Variants in RNASE4 observed in about 807,000 individuals in gnomAD.
RNASE4 encodes the protein ribonuclease A family member 4.
For missense variants in RNASE4, 194 were observed against 192.8 expected (o/e 1.01, Z -0.04); for synonymous variants, 93 against 71.4 (o/e 1.30, Z -1.52).
chr14:20,700,078 G>T lies in RNASE4; in HGVS notation c.*263G>T. On this transcript the variant is annotated 3_prime_UTR_variant, in exon 2 of 2. Coordinates refer to ENST00000555835, the MANE Select transcript of RNASE4 (RefSeq NM_002937.5). ...TAGCTCTCTCAGATCCTATCCTGTGGAATTTAGTTATTATGTGTATTTATG... is the reference window on the plus strand; with the variant it reads ...TAGCTCTCTCAGATCCTATCCTGTGTAATTTAGTTATTATGTGTATTTATG... 2 of 450,296 alleles carry T rather than the reference G, an allele frequency of 4.4e-6. No individual in the cohort carries two copies. The highest frequency in any genetic ancestry group is 8.2e-6 in the Non-Finnish European group (2 of 243,366). The allele number at this position is 450,296 out of a possible 1,614,324, so 27.9% of individuals were successfully genotyped here.
chr14:20,693,373 A>G (rs1171891905), intron 1 of RNASE4: 1 of 780,610 alleles, frequency 1.3e-6, no homozygotes, highest in Non-Finnish European at 2.1e-6. Flanking sequence ...GACGTTCCGC[A>G]GGAAGGGATT....
intron 1 of RNASE4, 92 bp from the exon 2 acceptor site, chr14:20,699,263 A>G: frequency 9.6e-7 from 1 of 1,041,896 alleles, no homozygotes. Flanking sequence ...AGAGGAGACT[A>G]TGGAGTCAGG....
At chr14:20,689,085 A>G (rs1283425991) in intron 1 of RNASE4, among the ~76,000 whole-genome samples, 1 of 152,172 alleles carries the variant, frequency 6.6e-6, no homozygotes. Flanking sequence ...AGGAAGTGGA[A>G]GTTTAGGAGG....
intron 1 of RNASE4, among the ~76,000 whole-genome samples, 161 bp downstream of exon 1, chr14:20,684,919 C>T (rs557019430): frequency 6.6e-6 from 1 of 152,070 alleles, no homozygotes. Context: ...GTGAAAGTCC[C>T]GTATTTGTAT....
At chr14:20,687,360 A>C (rs1284327639) in intron 1 of RNASE4, among the ~76,000 whole-genome samples, 2 of 152,226 alleles carry the variant, frequency 1.3e-5, no homozygotes. Context: ...AAGGGACCTA[A>C]CTATATTCAG....
intron 1 of RNASE4, chr14:20,693,718 A>T: frequency 1.2e-6 from 2 of 1,614,236 alleles, no homozygotes; most frequent in Non-Finnish European, 1.7e-6. Context: ...ATACTGTGAA[A>T]GCATCATGAG....
chr14:20,693,350 A>G (rs749626807), intron 1 of RNASE4: 28 of 671,566 alleles, frequency 4.2e-5, no homozygotes, highest in Non-Finnish European at 6.8e-5. Flanking sequence ...TGTGCTCAGG[A>G]AACTATTAAA....
intron 1 of RNASE4, among the ~76,000 whole-genome samples, chr14:20,691,673 T>A (rs1886757971): frequency 6.6e-6 from 1 of 152,234 alleles, no homozygotes; most frequent in Non-Finnish European, 1.5e-5. Flanking sequence ...GCGGACAAAT[T>A]TGATGCACTG....
At chr14:20,694,556 T>C (rs939566167) in intron 1 of RNASE4, among the ~76,000 whole-genome samples, 14 of 152,216 alleles carry the variant, frequency 9.2e-5, no homozygotes, top group African/African-American at 3.1e-4. Context: ...CACCTTGGCC[T>C]CTCAAAGTGC....
At chr14:20,688,220 G>C (rs1886516272) in intron 1 of RNASE4, among the ~76,000 whole-genome samples, 1 of 152,004 alleles carries the variant, frequency 6.6e-6, no homozygotes, top group Non-Finnish European at 1.5e-5. Context: ...TGAGTGTAGG[G>C]GGAGGGGCAG....
In RNASE4 at chr14:20,693,069, G is replaced by A. The variant is rs111700190; in HGVS notation, c.-17-6286G>A. Among the ~76,000 whole-genome samples, 1,032 of 151,708 alleles carry A rather than the reference G, an allele frequency of 6.8e-3. 14 individuals are homozygous for A. Among genetic ancestry groups the A allele is most frequent in the African/African-American group, 0.024 (973 of 41,228 alleles). On this transcript the variant is annotated intron_variant, in intron 1 of 1. Coordinates refer to ENST00000555835, the MANE Select transcript of RNASE4 (RefSeq NM_002937.5). ...TCACCGTGGTAGCCAGGATGGTCTC[G>A]ATCTCCTGACCTCGTGATCCGCCCG...
At chr14:20,693,271 AAT>A (rs1321716988) in intron 1 of RNASE4, among the ~76,000 whole-genome samples, 1 of 152,232 alleles carries the variant, frequency 6.6e-6, no homozygotes, top group African/African-American at 2.4e-5. Flanking sequence ...TGGATTTTGT[AAT>A]GTTACGACTG....
At chr14:20,697,796 T>A (rs544205687) in intron 1 of RNASE4, among the ~76,000 whole-genome samples, 1 of 152,356 alleles carries the variant, frequency 6.6e-6, no homozygotes, top group African/African-American at 2.4e-5. Context: ...TTGCCCTTGC[T>A]AATTTGCGTT....
rs538175793 is a variant in RNASE4, at chr14:20,693,047, C to T, written c.-17-6308C>T. ...TATTTTTAGTAGAGACGGGGTTTCA[C>T]CGTGGTAGCCAGGATGGTCTCGATC... On this transcript the variant is annotated intron_variant, in intron 1 of 1. Transcript: ENST00000555835. Among the ~76,000 whole-genome samples the T allele has an allele frequency of 2.8e-3, 418 of 151,690 alleles. 1 individual carries two copies. The highest frequency in any genetic ancestry group is 3.3e-3 in the Non-Finnish European group (222 of 67,956).
At position 20,694,867 on chromosome 14, in the gene RNASE4, T is replaced by TAC. The variant is rs10625796; in HGVS notation, c.-17-4472_-17-4471dup. On this transcript the variant is annotated intron_variant, in intron 1 of 1. Coordinates refer to ENST00000555835, the MANE Select transcript of RNASE4 (RefSeq NM_002937.5). The stretch of plus-strand genomic sequence containing the variant: ...AGATTATTATAGTTTCTCTCACTCT[T>TAC]ACACACACACACACACATATACACA... 2.2e-3 allele frequency among the ~76,000 whole-genome samples: 333 copies of TAC among 151,280 alleles called. 3 individuals are homozygous for TAC. The East Asian group carries it at 0.032, about 14-fold the overall frequency.
In RNASE4 at chr14:20,699,615, C is replaced by T. The variant is rs771543461; in HGVS notation, c.244C>T (p.Arg82Cys). 2 of 1,613,886 alleles carry T rather than the reference C, an allele frequency of 1.2e-6. No individual in the cohort carries two copies. Among genetic ancestry groups the T allele is most frequent in the Admixed American group, 1.7e-5 (1 of 60,032 alleles). The change falls in exon 2 of 2, where the codon CGT becomes TGT. Residue 82 changes from arginine to cysteine, a missense_variant. By Grantham distance (180) the Arg-to-Cys change is radical. Transcript: ENST00000555835. ...TFIHEDIWNI[R>C]SICSTTNIQC... ...CATCCATGAAGATATCTGGAACATT[C>T]GTAGTATCTGCAGCACCACCAATAT...
intron 1 of RNASE4, among the ~76,000 whole-genome samples, chr14:20,698,348 G>A (rs1887160565): frequency 6.6e-6 from 1 of 152,190 alleles, no homozygotes. Context: ...CCATGGCCTA[G>A]ATTTTTTAGG....
rs193086968 is a variant in RNASE4 at position 20,689,179 on chromosome 14, C to A, written c.-18+4421C>A. ...TCGGGAGTCCTCCCCCGTCGTCCAC[C>A]CCTGTTACAGGCATTACACGTGGCT... On this transcript the variant is annotated intron_variant, in intron 1 of 1. Transcript: ENST00000555835. Among the ~76,000 whole-genome samples the A allele has an allele frequency of 7.7e-3, 1,168 of 152,274 alleles. 10 individuals are homozygous for A. Among genetic ancestry groups the A allele is most frequent in the Middle Eastern group, 0.02 (6 of 294 alleles).
At position 20,693,625 on chromosome 14, in the gene RNASE4, C is replaced by T. The variant is rs149672657; in HGVS notation, c.-17-5730C>T. On this transcript the variant is annotated intron_variant, in intron 1 of 1. Coordinates refer to ENST00000555835, the MANE Select transcript of RNASE4 (RefSeq NM_002937.5). ...CGTGCTGGGTCTGGGTCTGACCCCA[C>T]CGACCCTGGCTCAGGATAACTCCAG... 1.3e-4 allele frequency: 206 copies of T among 1,613,976 alleles called. No homozygotes were observed. The highest frequency in any genetic ancestry group is 1.6e-4 in the Non-Finnish European group (193 of 1,180,046).
Sources: allele counts gnomAD v4.1 joint callset (sites outside exome capture counted in the v4.1 genomes callset), GRCh38; gene constraint gnomAD v4.1.1; transcripts MANE v1.5; gene names NCBI Gene and HGNC (gene_info 2026-07-23, HGNC 2026-07-21).